The following FHIP2A variants were observed in gnomAD, a reference collection of about 807,000 sequenced individuals.
FHIP2A encodes family with sequence similarity 160 member B1.
In FHIP2A, 46 loss-of-function variants were observed where a neutral mutation model predicts 93.5. The observed-to-expected ratio is 0.49, with a 90% CI of 0.39 to 0.63. FHIP2A has a LOEUF of 0.63. FHIP2A is among the 20% of genes least tolerant of loss of function. The probability of loss-of-function intolerance (pLI) is 0.00; values close to 1 mark genes in which losing one functional copy is unlikely to be tolerated. For synonymous variants in FHIP2A, 332 were observed against 326.5 expected (o/e 1.02, Z -0.18); for missense variants, 769 against 909.7 (o/e 0.85, Z 1.99).
In FHIP2A at chr10:114,842,960, G is replaced by A; in HGVS notation, c.550G>A (p.Gly184Arg). The change falls in exon 6 of 17, where the codon GGA becomes AGA. Residue 184 changes from glycine to arginine, a missense_variant. Physicochemically the swap from Gly to Arg is moderately radical, Grantham distance 125. Transcript: ENST00000369248. ...TAAGATGAAATCATTGGCTTCCAAA[G>A]GAGTACCAAATGTAATTTCAGAAGA... ...ENKMKSLASK[G>R]VPNVISEDTL... is the part of the protein sequence containing the mutation. The A allele has an allele frequency of 1.9e-6, 3 of 1,606,828 alleles. No individual in the cohort carries two copies. Among genetic ancestry groups the A allele is most frequent in the Non-Finnish European group, 2.6e-6 (3 of 1,174,120 alleles).
intron 16 of FHIP2A, among the ~76,000 whole-genome samples, chr10:114,879,121 G>A (rs1415327056): frequency 6.6e-6 from 1 of 152,148 alleles, no homozygotes; most frequent in Non-Finnish European, 1.5e-5. Context: ...GAAAACTGAG[G>A]CTGAGAGAAG....
chr10:114,853,422 C>A (rs889012905), intron 13 of FHIP2A, among the ~76,000 whole-genome samples: 7 of 152,052 alleles, frequency 4.6e-5, no homozygotes, highest in Admixed American at 4.6e-4. Context: ...TACTTTAAGT[C>A]CACATTAGTA....
chr10:114,899,620 G>A, exon 17 of FHIP2A: 2 of 693,146 alleles, frequency 2.9e-6, no homozygotes, highest in East Asian at 2.7e-5. Context: ...GCCCACCCTT[G>A]AACCAATCCT....
chr10:114,843,218 A>G lies in FHIP2A; in HGVS notation c.808A>G (p.Arg270Gly), dbSNP rs1349662554. Reference protein sequence around the residue: ...NLVNSLLNLTRSPDGRIAVKA... With the variant: ...NLVNSLLNLTGSPDGRIAVKA... The stretch of plus-strand genomic sequence containing the variant: ...AGTGAATTCTTTGTTAAATCTTACT[A>G]GAAGTCCTGTGAGTTATGGTCCTTA... The change falls in exon 6 of 17, where the codon AGA (arginine) becomes GGA (glycine). Residue 270 changes from arginine (R) to glycine (G), a missense_variant. Coordinates refer to ENST00000369248, the MANE Select transcript of FHIP2A (RefSeq NM_020940.4). 1.2e-5 allele frequency: 19 copies of G among 1,611,230 alleles called. No homozygotes were observed. The Admixed American group carries it at 2.8e-4, about 24-fold the overall frequency.
At chr10:114,849,051 A>G (rs1034783270) in intron 13 of FHIP2A, among the ~76,000 whole-genome samples, 1 of 137,846 alleles carries the variant, frequency 7.3e-6, no homozygotes, top group Non-Finnish European at 1.5e-5. Flanking sequence ...CTGAGGCAGG[A>G]GAATCGCTTG....
intron 5 of FHIP2A, among the ~76,000 whole-genome samples, chr10:114,838,172 G>A (rs1188483456): frequency 6.6e-6 from 1 of 152,120 alleles, no homozygotes; most frequent in Non-Finnish European, 1.5e-5. Flanking sequence ...CGTCAGCACT[G>A]GATGTTGTTA....
At chr10:114,858,375 A>G (rs986070278) in intron 14 of FHIP2A, among the ~76,000 whole-genome samples, 1 of 152,210 alleles carries the variant, frequency 6.6e-6, no homozygotes, top group African/African-American at 2.4e-5. Flanking sequence ...ACCTACATTT[A>G]TGTTAAAATA....
intron 16 of FHIP2A, among the ~76,000 whole-genome samples, chr10:114,874,660 G>A (rs1035200805): frequency 6.6e-6 from 1 of 152,084 alleles, no homozygotes; most frequent in African/African-American, 2.4e-5. Flanking sequence ...GTGCCACCAT[G>A]CCCCGCTAAT....
At chr10:114,899,094 G>A (rs2084014540) in intron 16 of FHIP2A, among the ~76,000 whole-genome samples, 1 of 152,204 alleles carries the variant, frequency 6.6e-6, no homozygotes, top group African/African-American at 2.4e-5. Flanking sequence ...GCCCTAAGCT[G>A]GTAGACCAGT....
intron 1 of FHIP2A, among the ~76,000 whole-genome samples, chr10:114,828,974 G>A (rs1445902524): frequency 6.6e-6 from 1 of 152,010 alleles, no homozygotes; most frequent in Non-Finnish European, 1.5e-5. Context: ...TTCTAATTTG[G>A]ACAATAGTTC....
chr10:114,891,170 G>A (rs1254786719), intron 16 of FHIP2A, among the ~76,000 whole-genome samples: 1 of 149,516 alleles, frequency 6.7e-6, no homozygotes, highest in African/African-American at 2.5e-5. Context: ...CTCTAGCATG[G>A]GCAACAACGT....
At chr10:114,826,768 C>T (rs1482078313) in intron 1 of FHIP2A, among the ~76,000 whole-genome samples, 3 of 152,190 alleles carry the variant, frequency 2.0e-5, no homozygotes, top group East Asian at 1.9e-4. Flanking sequence ...CCGAGGCGGA[C>T]GGATCACCTG....
intron 16 of FHIP2A, among the ~76,000 whole-genome samples, chr10:114,887,011 T>C (rs2083946536): frequency 6.6e-6 from 1 of 152,166 alleles, no homozygotes; most frequent in Non-Finnish European, 1.5e-5. Context: ...TGGGGAAAGG[T>C]GAGACTTGAA....
chr10:114,880,563 C>G (rs1285979083), intron 16 of FHIP2A, among the ~76,000 whole-genome samples: 2 of 151,950 alleles, frequency 1.3e-5, no homozygotes, highest in Non-Finnish European at 2.9e-5. Flanking sequence ...GCCTGTAATC[C>G]CAGCTACTCT....
At chr10:114,829,569 G>A (rs1015605946) in intron 1 of FHIP2A, among the ~76,000 whole-genome samples, 8 of 152,254 alleles carry the variant, frequency 5.3e-5, no homozygotes, top group Admixed American at 4.6e-4. Context: ...CTTCTTTACC[G>A]AATGCTGTTT....
In FHIP2A at chr10:114,863,033, C is replaced by G. The variant is rs2083809567; in HGVS notation, c.*1493C>G. ...GTTTGTTCTTGCTATTTATTAAGAA[C>G]AGAATATCAAAAGATTATGAATAGC... On this transcript the variant is annotated 3_prime_UTR_variant, in exon 17 of 17. Coordinates refer to ENST00000369248, the MANE Select transcript of FHIP2A (RefSeq NM_020940.4). 2 of 985,210 alleles carry G rather than the reference C, an allele frequency of 2.0e-6. No individual in the cohort carries two copies. The highest frequency in any genetic ancestry group is 9.4e-5 in the South Asian group (2 of 21,270). The allele number at this position is 985,210 out of a possible 1,614,324, so 61.0% of individuals were successfully genotyped here.
chr10:114,875,910 G>GAAAA (rs1555247145), intron 16 of FHIP2A, among the ~76,000 whole-genome samples: 2 of 74,730 alleles, frequency 2.7e-5, no homozygotes, highest in Non-Finnish European at 6.1e-5. Flanking sequence ...AATAAAGAAA[G>GAAAA]AGAAAGAAAG....
Position 114,885,031 on chromosome 10 carries a change from T to A in FHIP2A, c.2193-14459T>A, listed in dbSNP as rs2083935628. Among the ~76,000 whole-genome samples the A allele has an allele frequency of 2.0e-5, 3 of 152,102 alleles. No individual in the cohort carries two copies. The South Asian group carries it at 6.2e-4, about 32-fold the overall frequency. On this transcript the variant is annotated intron_variant, in intron 16 of 16. Transcript: ENST00000369250. ...TTTTGATAATATTTGCATTTCCCTA[T>A]AAGAATATCCCTAAATGAATCCAAT... is the stretch of plus-strand genomic sequence containing the variant.
At chr10:114,874,229 C>T (rs1004202026) in intron 16 of FHIP2A, among the ~76,000 whole-genome samples, 2 of 152,030 alleles carry the variant, frequency 1.3e-5, no homozygotes, top group Non-Finnish European at 2.9e-5. Flanking sequence ...TACACTTTAA[C>T]ACAGCCACAC....
Sources: allele counts gnomAD v4.1 joint callset (sites outside exome capture counted in the v4.1 genomes callset), GRCh38; gene constraint gnomAD v4.1.1; transcripts MANE v1.5; gene names NCBI Gene and HGNC (gene_info 2026-07-23, HGNC 2026-07-21).